The following SDK1 variants were observed in gnomAD, a reference collection of about 807,000 sequenced individuals.
SDK1 encodes the protein sidekick cell adhesion molecule 1, also known as protein sidekick-1.
In SDK1, 157 loss-of-function variants were observed where a neutral mutation model predicts 245.5. That is an observed-to-expected ratio of 0.64 (90% CI 0.56 to 0.73). The LOEUF (loss-of-function observed/expected upper bound fraction) is 0.73. SDK1 is among the 30% of genes least tolerant of loss of function. The pLI is 0.00. For synonymous variants in SDK1, 1,647 were observed against 1,278.5 expected (o/e 1.29, Z -6.15); for missense variants, 3,583 against 3,002.3 (o/e 1.19, Z -4.52).
Position 3,698,610 on chromosome 7 carries a change from A to T in SDK1, c.713+56505A>T, listed in dbSNP as rs557695695. 5.9e-5 allele frequency among the ~76,000 whole-genome samples: 9 copies of T among 152,306 alleles called. No individual in the cohort carries two copies. The South Asian group carries it at 1.9e-3, about 32-fold the overall frequency. ...TAAAACACCACAAATACTGGGGCTTAGACAGCGGACGTCTATTTCCTCACA... is the reference window on the plus strand; with the variant it reads ...TAAAACACCACAAATACTGGGGCTTTGACAGCGGACGTCTATTTCCTCACA... On this transcript the variant is annotated intron_variant, in intron 4 of 44. Coordinates refer to ENST00000404826, the MANE Select transcript of SDK1 (RefSeq NM_152744.4).
chr7:4,231,065 C>T (rs1408033620), intron 40 of SDK1, among the ~76,000 whole-genome samples: 1 of 152,148 alleles, frequency 6.6e-6, no homozygotes. Context: ...AGTAAATGCA[C>T]AAGCCTTCCC....
intron 34 of SDK1, among the ~76,000 whole-genome samples, chr7:4,176,691 A>T (rs1782234878): frequency 6.6e-6 from 1 of 152,098 alleles, no homozygotes; most frequent in Admixed American, 6.5e-5. Flanking sequence ...TTCTGTCTCG[A>T]CGGATTTGAC....
Position 3,619,249 on chromosome 7 carries a change from C to T in SDK1, c.458+10C>T, listed in dbSNP as rs184459269. On this transcript the variant is annotated intron_variant, in intron 2 of 44. Coordinates refer to ENST00000404826, the MANE Select transcript of SDK1 (RefSeq NM_152744.4). ...ACAGCAGCGAATATAAGTAATTGAT[C>T]GCTTGAAAAAATAAGATCCCATTTC... 2.6e-5 allele frequency: 42 copies of T among 1,588,990 alleles called. No homozygotes were observed. Among genetic ancestry groups the T allele is most frequent in the East Asian group, 1.1e-4 (5 of 44,218 alleles).
At position 3,795,600 on chromosome 7, in the gene SDK1, G is replaced by A. The variant is rs1583421538; in HGVS notation, c.714-25850G>A. 2.0e-5 allele frequency among the ~76,000 whole-genome samples: 3 copies of A among 152,110 alleles called. No individual in the cohort carries two copies. In the East Asian group the frequency reaches 5.8e-4, roughly 29 times the overall value. On this transcript the variant is annotated intron_variant, in intron 4 of 44. Coordinates refer to ENST00000404826, the MANE Select transcript of SDK1 (RefSeq NM_152744.4). ...CTGTTAAATGCCTGTCTTCCAGCTG[G>A]CATTCTCTTTCTTATTTATCGTGAA...
chr7:3,723,052 T>C (rs766421385), intron 4 of SDK1, among the ~76,000 whole-genome samples: 6 of 152,242 alleles, frequency 3.9e-5, no homozygotes, highest in Non-Finnish European at 7.3e-5. Context: ...ACAGTGAAGT[T>C]AAGTAACTTT....
At chr7:3,554,443 G>A (rs1779519591) in intron 1 of SDK1, among the ~76,000 whole-genome samples, 1 of 152,194 alleles carries the variant, frequency 6.6e-6, no homozygotes, top group Non-Finnish European at 1.5e-5. Context: ...AGGTAAAGCA[G>A]TTCTGAGAGT....
At chr7:4,018,910 G>C (rs906794800) in intron 17 of SDK1, among the ~76,000 whole-genome samples, 12 of 152,200 alleles carry the variant, frequency 7.9e-5, no homozygotes, top group African/African-American at 2.9e-4. Flanking sequence ...AAAATGAATT[G>C]ATGAGTGTCC....
chr7:4,234,871 G>A (rs1038877479), intron 41 of SDK1, among the ~76,000 whole-genome samples: 3 of 152,184 alleles, frequency 2.0e-5, no homozygotes, highest in Admixed American at 6.5e-5. Flanking sequence ...CTCGGCGTTG[G>A]GGCAGCAGAG....
rs567662478 is a variant in SDK1, at chr7:3,953,967, C to G, written c.1150+2047C>G. ...AGATTATAATCCCACGCCCTGTGGC[C>G]GAGCATTATTGGTTTCACAGGGCTG... On this transcript the variant is annotated intron_variant, in intron 7 of 44. Transcript: ENST00000404826. Among the ~76,000 whole-genome samples, 253 of 152,238 alleles carry G rather than the reference C, an allele frequency of 1.7e-3. 2 individuals carry two copies. Among genetic ancestry groups the G allele is most frequent in the African/African-American group, 5.9e-3 (243 of 41,530 alleles).
intron 1 of SDK1, among the ~76,000 whole-genome samples, chr7:3,589,567 C>T (rs1468314746): frequency 3.3e-5 from 5 of 152,210 alleles, no homozygotes; most frequent in African/African-American, 1.2e-4. Flanking sequence ...TTAATGGACT[C>T]ATAGTTCCAC....
rs2077907 is a variant in SDK1, at chr7:4,214,657, T to G, written c.5539+4495T>G. Among the ~76,000 whole-genome samples the G allele has an allele frequency of 3.7e-3, 556 of 152,254 alleles. 4 individuals carry two copies. Among genetic ancestry groups the G allele is most frequent in the African/African-American group, 0.013 (534 of 41,548 alleles). On this transcript the variant is annotated intron_variant, in intron 38 of 44. Transcript: ENST00000404826. ...AACAAGCCATGCAGACCCCCCACGT[T>G]TGGGCTTGCTGGGGGCTTGGGCACG...
At chr7:4,098,374 C>T (rs1046058038) in intron 22 of SDK1, among the ~76,000 whole-genome samples, 9 of 152,122 alleles carry the variant, frequency 5.9e-5, no homozygotes, top group East Asian at 1.9e-4. Context: ...CCGTTCTTTC[C>T]GAGGACCATT....
chr7:3,422,478 A>G (rs1397232229), intron 1 of SDK1, among the ~76,000 whole-genome samples: 1 of 152,194 alleles, frequency 6.6e-6, no homozygotes, highest in Non-Finnish European at 1.5e-5. Flanking sequence ...AACTTTTCTT[A>G]ATACTGGAAG....
At chr7:4,009,704 A>T (rs753224996) in intron 14 of SDK1, among the ~76,000 whole-genome samples, 1 of 152,250 alleles carries the variant, frequency 6.6e-6, no homozygotes, top group African/African-American at 2.4e-5. Flanking sequence ...AACTGGCTTC[A>T]TGCTTCAGAG....
chr7:4,266,424 C>A lies in SDK1; in HGVS notation c.*1040C>A. On this transcript the variant is annotated 3_prime_UTR_variant, in exon 45 of 45. Coordinates refer to ENST00000404826, the MANE Select transcript of SDK1 (RefSeq NM_152744.4). ...CTGAGAACACACGCTCCCGACTCGC[C>A]TCGTGCACACCAGGCCGTCCCCTCC... The A allele has an allele frequency of 1.0e-6, 1 of 985,362 alleles. No individual in the cohort carries two copies. Among genetic ancestry groups the A allele is most frequent in the Non-Finnish European group, 1.2e-6 (1 of 829,938 alleles). 61.0% of individuals were successfully genotyped at this position (985,362 alleles called of 1,614,324 possible). A position where few individuals can be genotyped will look rare whatever the true frequency, so the allele number is the denominator to read the frequency against.
chr7:3,568,781 C>T (rs1461977728), intron 1 of SDK1, among the ~76,000 whole-genome samples: 1 of 152,168 alleles, frequency 6.6e-6, no homozygotes, highest in Admixed American at 6.5e-5. Context: ...TTGGGAGTAC[C>T]TGTAATGGAT....
intron 1 of SDK1, among the ~76,000 whole-genome samples, chr7:3,367,185 T>C (rs912638566): frequency 6.6e-6 from 1 of 151,840 alleles, no homozygotes; most frequent in Non-Finnish European, 1.5e-5. Context: ...TTTTATTTTT[T>C]GCCAGGAATG....
intron 1 of SDK1, among the ~76,000 whole-genome samples, chr7:3,436,527 T>C (rs1780025446): frequency 6.6e-6 from 1 of 152,174 alleles, no homozygotes; most frequent in East Asian, 1.9e-4. Context: ...TGCTGTGTTT[T>C]TAATCAATGA....
At chr7:4,053,033 G>A (rs1778974004) in intron 19 of SDK1, among the ~76,000 whole-genome samples, 2 of 148,804 alleles carry the variant, frequency 1.3e-5, no homozygotes, top group African/African-American at 5.0e-5. Flanking sequence ...GTTGCAGTGA[G>A]CCGTGATCAT....
Sources: gnomAD v4.1 joint callset for allele counts (sites outside exome capture counted in the v4.1 genomes callset) on GRCh38, gnomAD v4.1.1 for gene constraint, MANE v1.5 for transcripts, NCBI Gene and HGNC (gene_info 2026-07-23, HGNC 2026-07-21) for gene names.